The following PLEKHA8 variants were observed in gnomAD, a reference collection of about 807,000 sequenced individuals.
PLEKHA8 encodes the protein pleckstrin homology domain-containing family A member 8.
PLEKHA8 carries 36 observed loss-of-function variants against 68.2 expected under a neutral mutation model. The observed-to-expected ratio is 0.53, with a 90% confidence interval of 0.40 to 0.70. The LOEUF (loss-of-function observed/expected upper bound fraction) is 0.70, where lower values mean the gene tolerates loss of function less well. Ranked by LOEUF, PLEKHA8 falls within the 30% of genes least tolerant of loss-of-function variation. PLEKHA8 has a pLI of 0.00. For missense variants in PLEKHA8, 505 were observed against 615.4 expected, an observed-to-expected ratio of 0.82 and a Z score of 1.90; for synonymous variants, 211 against 216.1, an observed-to-expected ratio of 0.98 and a Z score of 0.20.
At chr7:30,056,742 AGTGTGTGTGTGTGTGTGTGTGT>A (rs70980590) in intron 9 of PLEKHA8, among the ~76,000 whole-genome samples, 43 of 74,782 alleles carry the variant, frequency 5.8e-4, no homozygotes, top group South Asian at 6.3e-4. Context: ...AAAAAAAAAA[AGTGTGTGTGTGTGTGTGTGTGT>A]GTGTGTGTGT....
At chr7:30,056,897 T>G (rs2127984475) in intron 9 of PLEKHA8, among the ~76,000 whole-genome samples, 2 of 147,160 alleles carry the variant, frequency 1.4e-5, no homozygotes, top group East Asian at 3.9e-4. Flanking sequence ...ATATGTAATT[T>G]ATATCTAACA....
chr7:30,039,740 TTAAA>T (rs897596966), intron 1 of PLEKHA8, among the ~76,000 whole-genome samples: 3 of 152,200 alleles, frequency 2.0e-5, no homozygotes, highest in African/African-American at 4.8e-5. Flanking sequence ...TTGTTTTTGT[TTAAA>T]TATATAAGAG....
At chr7:30,061,246 T>C (rs891087890) in intron 10 of PLEKHA8, among the ~76,000 whole-genome samples, 1 of 152,194 alleles carries the variant, frequency 6.6e-6, no homozygotes, top group African/African-American at 2.4e-5. Flanking sequence ...GATTCTGTGC[T>C]TTTTTAGGTT....
intron 9 of PLEKHA8, among the ~76,000 whole-genome samples, chr7:30,056,312 C>CTCTCTCTCTCTATATATATA (rs796845171): frequency 1.3e-4 from 12 of 94,552 alleles, no homozygotes; most frequent in East Asian, 2.9e-4. Flanking sequence ...CTCTCTCTCT[C>CTCTCTCTCTCTATATATATA]TATATATATA....
At chr7:30,102,403 C>T (rs1194271101) in intron 13 of PLEKHA8, among the ~76,000 whole-genome samples, 1 of 152,166 alleles carries the variant, frequency 6.6e-6, no homozygotes, top group East Asian at 1.9e-4. Context: ...CGTTATGATC[C>T]AGCAATTCCA....
rs946585430 is a variant in PLEKHA8, at chr7:30,084,564, G to A, written c.*5777G>A. ...CTATCTTGTGGGGAGGGGTGACAGG[G>A]GAGGGTTTTACTTTTTTTGCAAAAA... is the stretch of plus-strand genomic sequence containing the variant. On this transcript the variant is annotated 3_prime_UTR_variant, in exon 14 of 14. Transcript: ENST00000449726. 2 of 984,772 alleles carry A rather than the reference G, an allele frequency of 2.0e-6. No individual in the cohort carries two copies. The highest frequency in any genetic ancestry group is 3.5e-5 in the African/African-American group (2 of 57,158). The allele number at this position is 984,772 out of a possible 1,614,324, so 61.0% of individuals were successfully genotyped here. A position where few individuals can be genotyped will look rare whatever the true frequency, so the allele number is the denominator to read the frequency against.
intron 13 of PLEKHA8, chr7:30,118,037 C>G (rs1340613629): frequency 1.3e-6 from 2 of 1,511,306 alleles, no homozygotes; most frequent in Admixed American, 4.4e-5. Flanking sequence ...GCAGAGTGGC[C>G]TGCAGGACAT....
intron 13 of PLEKHA8, among the ~76,000 whole-genome samples, chr7:30,100,276 C>A (rs559833487): frequency 5.3e-5 from 8 of 152,264 alleles, no homozygotes; most frequent in African/African-American, 1.9e-4. Context: ...TGGGACTAGG[C>A]ACGGTGGCTC....
At chr7:30,111,030 G>A (rs1212734214) in intron 13 of PLEKHA8, among the ~76,000 whole-genome samples, 2 of 150,638 alleles carry the variant, frequency 1.3e-5, no homozygotes, top group Non-Finnish European at 1.5e-5. Context: ...TCAGCCCCCC[G>A]AGTAGCTGGG....
chr7:30,032,515 G>T (rs1790743535), intron 1 of PLEKHA8, among the ~76,000 whole-genome samples: 1 of 152,198 alleles, frequency 6.6e-6, no homozygotes, highest in African/African-American at 2.4e-5. Context: ...AAGACACTGA[G>T]ATATAGAGAC....
chr7:30,031,557 G>T (rs1028099927), intron 1 of PLEKHA8, among the ~76,000 whole-genome samples: 1 of 152,138 alleles, frequency 6.6e-6, no homozygotes, highest in Non-Finnish European at 1.5e-5. Flanking sequence ...AAGATGCAGG[G>T]GTGTGCGGGA....
At position 30,079,576 on chromosome 7, in the gene PLEKHA8, G is replaced by T. The variant is rs912982906; in HGVS notation, c.*789G>T. On this transcript the variant is annotated 3_prime_UTR_variant, in exon 14 of 14. Coordinates refer to ENST00000449726, the MANE Select transcript of PLEKHA8 (RefSeq NM_001197026.2). ...CATCACAAGTAATGATACCCAGAGG[G>T]ATTATTACTCCACTTCAAAAGCAAG... The T allele has an allele frequency of 1.3e-5, 11 of 850,866 alleles. No individual in the cohort carries two copies. The highest frequency in any genetic ancestry group is 1.6e-5 in the Non-Finnish European group (11 of 707,522). 52.7% of individuals were successfully genotyped at this position (850,866 alleles called of 1,614,324 possible).
chr7:30,038,958 A>G (rs1791316727), intron 1 of PLEKHA8, among the ~76,000 whole-genome samples: 1 of 149,572 alleles, frequency 6.7e-6, no homozygotes, highest in Non-Finnish European at 1.5e-5. Context: ...GAGGTATGCC[A>G]GTTTAGATCC....
At chr7:30,078,505 ATG>A in intron 13 of PLEKHA8, 83 bp from the exon 14 acceptor site, 2 of 1,347,714 alleles carry the variant, frequency 1.5e-6, no homozygotes, top group Non-Finnish European at 2.1e-6. Context: ...GTGTGAAAGT[ATG>A]TGTGTGTGCA....
intron 13 of PLEKHA8, among the ~76,000 whole-genome samples, chr7:30,102,531 T>C (rs2128012272): frequency 6.6e-6 from 1 of 152,302 alleles, no homozygotes; most frequent in South Asian, 2.1e-4. Context: ...CAAGGGCCTA[T>C]CAGCAGATGA....
intron 13 of PLEKHA8, among the ~76,000 whole-genome samples, chr7:30,121,503 C>T (rs1796696842): frequency 6.6e-6 from 1 of 152,128 alleles, no homozygotes; most frequent in Non-Finnish European, 1.5e-5. Context: ...GTGGCAGGAG[C>T]CTATAATCCC....
intron 12 of PLEKHA8, among the ~76,000 whole-genome samples, chr7:30,063,426 G>C (rs1360776207): frequency 6.6e-6 from 1 of 152,200 alleles, no homozygotes; most frequent in Non-Finnish European, 1.5e-5. Context: ...GCTTCTAATG[G>C]AGTGGCTGAA....
At chr7:30,121,322 A>G (rs1796693532) in intron 13 of PLEKHA8, among the ~76,000 whole-genome samples, 1 of 149,200 alleles carries the variant, frequency 6.7e-6, no homozygotes, top group African/African-American at 2.5e-5. Context: ...GAGTGGCCAA[A>G]GGGATGAAAA....
At chr7:30,041,775 T>A (rs888550956) in intron 1 of PLEKHA8, among the ~76,000 whole-genome samples, 4 of 152,214 alleles carry the variant, frequency 2.6e-5, no homozygotes, top group Non-Finnish European at 4.4e-5. Flanking sequence ...CAGATTCTTG[T>A]AAGATAAAAC....
Sources: allele counts gnomAD v4.1 joint callset (sites outside exome capture counted in the v4.1 genomes callset), GRCh38; gene constraint gnomAD v4.1.1; transcripts MANE v1.5; gene names NCBI Gene and HGNC (gene_info 2026-07-23, HGNC 2026-07-21).